Variants in GABPB1 observed in about 807,000 individuals in gnomAD.
GABPB1 encodes GA binding protein transcription factor subunit beta 1.
GABPB1 carries 15 observed loss-of-function variants against 45.9 expected under a neutral mutation model. That is an observed-to-expected ratio of 0.33 (90% CI 0.22 to 0.50). The LOEUF (loss-of-function observed/expected upper bound fraction) is 0.50, where lower values mean the gene tolerates loss of function less well. Among genes scored for constraint, GABPB1 ranks in the 20% least tolerant of loss-of-function variants. GABPB1 has a pLI of 0.98. For missense variants in GABPB1, 252 were observed against 457.5 expected (o/e 0.55, Z 4.10); for synonymous variants, 143 against 154.4 (o/e 0.93, Z 0.55).
At chr15:50,279,783 G>A (rs1392447696) in intron 8 of GABPB1, among the ~76,000 whole-genome samples, 8 of 152,082 alleles carry the variant, frequency 5.3e-5, no homozygotes, top group African/African-American at 1.7e-4. Flanking sequence ...GCCAGGGGTC[G>A]GACTATCACA....
intron 2 of GABPB1, among the ~76,000 whole-genome samples, chr15:50,308,489 G>A (rs1169505515): frequency 6.6e-6 from 1 of 152,176 alleles, no homozygotes; most frequent in Non-Finnish European, 1.5e-5. Context: ...GGCAGGAGCA[G>A]ACAGGAGGAG....
At chr15:50,304,251 G>C (rs968605040) in intron 2 of GABPB1, 118 bp from the exon 3 acceptor site, 1 of 673,670 alleles carries the variant, frequency 1.5e-6, no homozygotes, top group Middle Eastern at 3.9e-4. Flanking sequence ...AAACTCAAAA[G>C]AAATGCCTAG....
intron 7 of GABPB1, among the ~76,000 whole-genome samples, chr15:50,287,395 T>A (rs942686888): frequency 1.3e-5 from 2 of 152,186 alleles, no homozygotes; most frequent in African/African-American, 2.4e-5. Context: ...CATGTTGAAG[T>A]CCTAACCCCC....
In GABPB1 at chr15:50,289,513, T is replaced by C; in HGVS notation, c.853A>G (p.Ile285Val). The part of the protein sequence containing the change: ...SIPTSGIGQP[I>V]IVTMPDGQQV... The stretch of plus-strand genomic sequence containing the variant: ...TGTCCATCTGGCATGGTCACAATGA[T>C]GGGCTGACCAATTCCACTGGTTGGA... Residue 285 changes from isoleucine to valine, a missense_variant, in exon 7 of 9, where the codon ATC becomes GTC. Coordinates refer to ENST00000380877, the MANE Select transcript of GABPB1 (RefSeq NM_016654.5). The C allele has an allele frequency of 1.9e-6, 3 of 1,613,138 alleles. No individual in the cohort carries two copies. Among genetic ancestry groups the C allele is most frequent in the Non-Finnish European group, 2.5e-6 (3 of 1,179,516 alleles).
intron 8 of GABPB1, chr15:50,282,271 G>T (rs1027652984): frequency 2.2e-6 from 1 of 454,490 alleles, no homozygotes; most frequent in Admixed American, 2.4e-5. Context: ...AGAGAGAAGA[G>T]ATATGACCTG....
chr15:50,304,023 T>C lies in GABPB1; in HGVS notation c.219A>G (p.Thr73=). 6.2e-7 allele frequency: 1 copy of C among 1,613,450 alleles called. No homozygotes were observed. The highest frequency in any genetic ancestry group is 8.5e-7 in the Non-Finnish European group (1 of 1,179,706). Residue 73 remains threonine, a synonymous_variant, in exon 3 of 9, where the codon ACA becomes ACG. Transcript: ENST00000380877. ...CCTCAGAAGCTGCCATATGTAATGG[T>C]GTTCGGTCCACTTTGGTTCTGGCAT... ...SRDARTKVDR[T]PLHMAASEGH...
rs1417786647 is a variant in GABPB1, at chr15:50,286,033, C to T, written c.999+35G>A. On this transcript the variant is annotated intron_variant, in intron 8 of 8. Coordinates refer to ENST00000380877, the MANE Select transcript of GABPB1 (RefSeq NM_016654.5). Reference sequence around the variant, plus strand: ...AAAAAATTGAATTTATTTTGGATGACTGCGGCAAAGCACACCGGGTAAAAG... The same window carrying T: ...AAAAAATTGAATTTATTTTGGATGATTGCGGCAAAGCACACCGGGTAAAAG... 3 of 1,599,570 alleles carry T rather than the reference C, an allele frequency of 1.9e-6. No individual in the cohort carries two copies. In the South Asian group the frequency reaches 3.4e-5, roughly 18 times the overall value.
intron 6 of GABPB1, among the ~76,000 whole-genome samples, chr15:50,299,202 C>T (rs141227700): frequency 1.3e-5 from 2 of 152,074 alleles, no homozygotes; most frequent in Admixed American, 1.3e-4. Flanking sequence ...ACAAATTATT[C>T]TTTGCTTTTA....
intron 1 of GABPB1, among the ~76,000 whole-genome samples, chr15:50,337,075 GTATATATA>G (rs869106382): frequency 0.015 from 207 of 13,980 alleles, no homozygotes; most frequent in Non-Finnish European, 0.024. Flanking sequence ...ATATGTGTGT[GTATATATA>G]TATATATATA....
intron 8 of GABPB1, among the ~76,000 whole-genome samples, chr15:50,281,253 C>T (rs550374292): frequency 2.0e-5 from 3 of 152,184 alleles, no homozygotes; most frequent in East Asian, 3.9e-4. Context: ...GCTCTGTTGC[C>T]CAGGCTGGAG....
In GABPB1 at chr15:50,303,833, TG is replaced by T. The variant is rs1278090650; in HGVS notation, c.276+132del. The T allele has an allele frequency of 2.9e-5, 16 of 542,588 alleles. 1 individual carries two copies. In the South Asian group the frequency reaches 7.4e-4, roughly 25 times the overall value. The allele number at this position is 542,588 out of a possible 1,614,324, so 33.6% of individuals were successfully genotyped here. ...AAGCTATAAGACAATTTTCATTTAA[TG>T]GGCTTATACACACAAAAAATGAAAT... On this transcript the variant is annotated intron_variant, in intron 3 of 8. Transcript: ENST00000380877.
chr15:50,349,916 A>T (rs1007565307), intron 1 of GABPB1: 2 of 152,212 alleles, frequency 1.3e-5, no homozygotes, highest in Admixed American at 1.3e-4. Flanking sequence ...CTCAGAAATA[A>T]CCATTTAACA....
chr15:50,286,191 G>T lies in GABPB1; in HGVS notation c.884-8C>A. 1 of 1,472,396 alleles carries T rather than the reference G, an allele frequency of 6.8e-7. No homozygotes were observed. Among genetic ancestry groups the T allele is most frequent in the South Asian group, 1.4e-5 (1 of 73,030 alleles). The allele number at this position is 1,472,396 out of a possible 1,614,324, so 91.2% of individuals were successfully genotyped here. A position where few individuals can be genotyped will look rare whatever the true frequency, so the allele number is the denominator to read the frequency against. On this transcript the variant is annotated splice_polypyrimidine_tract_variant and splice_region_variant and intron_variant, in intron 7 of 8. Transcript: ENST00000380877. ...TTGCTGGTACTGTTAATACTAAAATGAAAAAAAAATTATGTATTACTTCAT... is the reference window on the plus strand; with the variant it reads ...TTGCTGGTACTGTTAATACTAAAATTAAAAAAAAATTATGTATTACTTCAT...
intron 4 of GABPB1, among the ~76,000 whole-genome samples, chr15:50,301,599 C>G (rs368488836): frequency 1.3e-5 from 2 of 152,028 alleles, no homozygotes; most frequent in South Asian, 4.1e-4. Flanking sequence ...AGAGGAGAAA[C>G]GAGTATCTAA....
At chr15:50,346,608 T>G (rs1193036707) in intron 1 of GABPB1, among the ~76,000 whole-genome samples, 1 of 143,676 alleles carries the variant, frequency 7.0e-6, no homozygotes, top group Non-Finnish European at 1.5e-5. Context: ...TTTTTTTTTG[T>G]AGAGATGGGA....
chr15:50,354,392 G>A lies in GABPB1; in HGVS notation c.-1+593C>T, dbSNP rs981500528. 17 of 451,924 alleles carry A rather than the reference G, an allele frequency of 3.8e-5. No homozygotes were observed. The Admixed American group carries it at 4.0e-4, about 11-fold the overall frequency. The allele number at this position is 451,924 out of a possible 1,614,324, so 28.0% of individuals were successfully genotyped here. On this transcript the variant is annotated intron_variant, in intron 1 of 8. Coordinates refer to ENST00000380877, the MANE Select transcript of GABPB1 (RefSeq NM_016654.5). ...CCAGGCTCTTCCATTAACCCTGTCT[G>A]GTCCGGCCGATCCCGCCGCGACCCG...
At chr15:50,331,626 T>C (rs966559949) in intron 1 of GABPB1, among the ~76,000 whole-genome samples, 1 of 152,174 alleles carries the variant, frequency 6.6e-6, no homozygotes, top group Non-Finnish European at 1.5e-5. Context: ...CAGGAGAGTG[T>C]TGTGATGTGA....
intron 7 of GABPB1, among the ~76,000 whole-genome samples, chr15:50,288,055 T>C (rs2046225350): frequency 1.3e-5 from 2 of 152,156 alleles, no homozygotes; most frequent in Non-Finnish European, 1.5e-5. Flanking sequence ...TTTTCTTTCT[T>C]TCTTTATTTT....
intron 1 of GABPB1, among the ~76,000 whole-genome samples, chr15:50,345,193 G>C (rs947295107): frequency 1.3e-5 from 2 of 152,182 alleles, no homozygotes; most frequent in Admixed American, 6.5e-5. Context: ...ACGGCAAGGA[G>C]AGAACATTAA....
Sources: gnomAD v4.1 joint callset for allele counts (sites outside exome capture counted in the v4.1 genomes callset) on GRCh38, gnomAD v4.1.1 for gene constraint, MANE v1.5 for transcripts, NCBI Gene and HGNC (gene_info 2026-07-23, HGNC 2026-07-21) for gene names.